The following SRRT variants were observed in gnomAD, a reference collection of about 807,000 sequenced individuals.
SRRT encodes the protein serrate, RNA effector molecule, also known as serrate RNA effector molecule homolog.
A neutral mutation model predicts 103.2 loss-of-function variants in SRRT; 32 were observed. The ratio of observed to expected loss-of-function variants is 0.31; its 90% CI spans 0.23 to 0.42. The LOEUF (loss-of-function observed/expected upper bound fraction) is 0.42. SRRT is among the 10% of genes least tolerant of loss of function. The pLI is 1.00. For synonymous variants in SRRT, 525 were observed against 449.0 expected (o/e 1.17, Z -2.14); for missense variants, 986 against 1,207.5 (o/e 0.82, Z 2.72).
At position 100,884,409 on chromosome 7, in the gene SRRT, AT is replaced by A; in HGVS notation, c.800del (p.Ile267ThrfsTer29). On this transcript the variant is annotated frameshift_variant, in exon 7 of 20. Transcript: ENST00000611405. LOFTEE classifies it high-confidence loss of function. ...AGGAGGCACGGAGAATGATCTTCGC[AT>A]CCTGGAGCAGGAGGAGGAGGAGGAG... Reference protein sequence around the residue: ...MEGGTENDLRILEQEEEEEQA... With the variant: ...MEGGTENDLRXLEQEEEEEQA... 3 of 1,613,798 alleles carry A rather than the reference AT, an allele frequency of 1.9e-6. No homozygotes were observed. The highest frequency in any genetic ancestry group is 2.5e-6 in the Non-Finnish European group (3 of 1,179,930).
rs1356116263 is a variant in SRRT at position 100,887,300 on chromosome 7, C to T, written c.1976-20C>T. ...TCTGGCTCCCTTGCCAACCTTCCTT[C>T]CTCTGTTCCCAAACCACAGTGCTGG... On this transcript the variant is annotated intron_variant, in intron 15 of 19. Transcript: ENST00000611405. This position sits in a 1 kb window ranked among gnomAD's most constrained non-coding sequence, Gnocchi z 4.1. The T allele has an allele frequency of 2.5e-6, 4 of 1,611,526 alleles. No homozygotes were observed. The highest frequency in any genetic ancestry group is 1.7e-5 in the Admixed American group (1 of 59,866).
At chr7:100,879,373 C>G (rs577410455) in intron 2 of SRRT, among the ~76,000 whole-genome samples, 3 of 152,192 alleles carry the variant, frequency 2.0e-5, no homozygotes, top group African/African-American at 7.2e-5. Flanking sequence ...TGCTAGCATT[C>G]ATTACAGATG....
chr7:100,883,971 G>C, intron 5 of SRRT, 99 bp from the exon 6 acceptor site: 1 of 1,345,492 alleles, frequency 7.4e-7, no homozygotes, highest in South Asian at 1.5e-5. Flanking sequence ...GGTTGTGAGA[G>C]GAAGGGGGAT....
Position 100,887,576 on chromosome 7 carries a change from C to G in SRRT, c.2169+63C>G. The G allele has an allele frequency of 6.3e-7, 1 of 1,590,634 alleles. No individual in the cohort carries two copies. Among genetic ancestry groups the G allele is most frequent in the Non-Finnish European group, 8.6e-7 (1 of 1,166,050 alleles). On this transcript the variant is annotated intron_variant, in intron 16 of 19. Coordinates refer to ENST00000611405, the MANE Select transcript of SRRT (RefSeq NM_015908.6). The surrounding 1 kb of genome is among the most constrained non-coding windows in gnomAD (Gnocchi z 4.1). ...GGAGGTGGGGTTGAGACAGGAAGCC[C>G]CCTGGGCAGGGGTGGGGGAACTGCT...
In SRRT at chr7:100,883,996, C is replaced by G. The variant is rs549657395; in HGVS notation, c.588-74C>G. 3.7e-5 allele frequency: 55 copies of G among 1,486,614 alleles called. No individual in the cohort carries two copies. The African/African-American group carries it at 7.8e-4, about 21-fold the overall frequency. The allele number at this position is 1,486,614 out of a possible 1,614,324, so 92.1% of individuals were successfully genotyped here. A position where few individuals can be genotyped will look rare whatever the true frequency, so the allele number is the denominator to read the frequency against. Reference sequence around the variant, plus strand: ...GGAAGGGGGATATGCCCTGTCTTTCCTGGGCCCCTTCCCACATCCTGGCCT... The same window carrying G: ...GGAAGGGGGATATGCCCTGTCTTTCGTGGGCCCCTTCCCACATCCTGGCCT... On this transcript the variant is annotated intron_variant, in intron 5 of 19. Coordinates refer to ENST00000611405, the MANE Select transcript of SRRT (RefSeq NM_015908.6).
At position 100,882,218 on chromosome 7, in the gene SRRT, C is replaced by T. The variant is rs761632201; in HGVS notation, c.564C>T (p.Phe188=). 1 of 1,614,146 alleles carries T rather than the reference C, an allele frequency of 6.2e-7. No homozygotes were observed. Among genetic ancestry groups the T allele is most frequent in the Non-Finnish European group, 8.5e-7 (1 of 1,179,982 alleles). ...DFRRQQMQDF[F]LAHKDEEWFR... is the part of the protein sequence containing the mutation. ...GGAGGCAACAGATGCAGGATTTCTT[C>T]CTGGCGCACAAAGATGAGGAGTGGT... The change falls in exon 5 of 20, where the codon TTC becomes TTT. Residue 188 remains phenylalanine (F), a synonymous_variant. Transcript: ENST00000611405. The surrounding 1 kb of genome is among the most constrained non-coding windows in gnomAD (Gnocchi z 4.2).
Position 100,888,075 on chromosome 7 carries a change from AC to A in SRRT, c.2363del (p.Pro788HisfsTer8). ...CCAGGTTTGACCCCAGGACTCCCCTACCCACACCAGACTCCCCAGGGCCTGA... is the reference window on the plus strand; with the variant it reads ...CCAGGTTTGACCCCAGGACTCCCCTACCACACCAGACTCCCCAGGGCCTGA... ...LPPGLTPGLP[Y>X]PHQTPQGLMP... On this transcript the variant is annotated frameshift_variant, in exon 18 of 20. Transcript: ENST00000611405. LOFTEE classifies it high-confidence loss of function. The A allele has an allele frequency of 6.3e-7, 1 of 1,589,978 alleles. No individual in the cohort carries two copies. Among genetic ancestry groups the A allele is most frequent in the Non-Finnish European group, 8.5e-7 (1 of 1,169,716 alleles).
rs373686541 is a variant in SRRT, at chr7:100,886,776, C to T, written c.1648-19C>T. On this transcript the variant is annotated intron_variant, in intron 13 of 19. Coordinates refer to ENST00000611405, the MANE Select transcript of SRRT (RefSeq NM_015908.6). ...CTGAAGGTCTTCTCTGCCTTACTTG[C>T]TTCTCTTCCTCCCATCAGAGCCTGC... The T allele has an allele frequency of 5.0e-6, 8 of 1,613,778 alleles. No individual in the cohort carries two copies. The highest frequency in any genetic ancestry group is 6.8e-6 in the Non-Finnish European group (8 of 1,179,850).
rs200305563 is a variant in SRRT at position 100,885,190 on chromosome 7, T to C, written c.1160-23T>C. 1.4e-3 allele frequency: 2,262 copies of C among 1,610,028 alleles called. 9 individuals are homozygous for C. Among genetic ancestry groups the C allele is most frequent in the Non-Finnish European group, 1.6e-3 (1,827 of 1,177,662 alleles). ...TCAGTAATAAAAATGCACCAACTCC[T>C]TCCTACCCCCCTTCCTGCCTAGAAG... On this transcript the variant is annotated intron_variant, in intron 9 of 19. Transcript: ENST00000611405. This position sits in a 1 kb window ranked among gnomAD's most constrained non-coding sequence, Gnocchi z 4.8.
Position 100,884,523 on chromosome 7 carries a change from A to C in SRRT, c.913A>C (p.Lys305Gln). 6.4e-7 allele frequency: 1 copy of C among 1,555,806 alleles called. No homozygotes were observed. Among genetic ancestry groups the C allele is most frequent in the Non-Finnish European group, 8.7e-7 (1 of 1,144,370 alleles). Residue 305 changes from lysine to glutamine, a missense_variant, in exon 7 of 20, where the codon AAG becomes CAG. Lys to Gln is a moderately conservative substitution (Grantham distance 53, BLOSUM62 1). Coordinates refer to ENST00000611405, the MANE Select transcript of SRRT (RefSeq NM_015908.6). ...GGACGGGGAGCGCAAAACCAACGACAAGGATGAGAAGAAGGAAGACGGCAA... is the reference window on the plus strand; with the variant it reads ...GGACGGGGAGCGCAAAACCAACGACCAGGATGAGAAGAAGGAAGACGGCAA... ...LGDGERKTND[K>Q]DEKKEDGKQA... is the part of the protein sequence containing the mutation.
chr7:100,882,283 C>T lies in SRRT; in HGVS notation c.587+42C>T. 6.3e-7 allele frequency: 1 copy of T among 1,594,044 alleles called. No individual in the cohort carries two copies. The highest frequency in any genetic ancestry group is 8.6e-7 in the Non-Finnish European group (1 of 1,167,670). On this transcript the variant is annotated intron_variant, in intron 5 of 19. Transcript: ENST00000611405. This position sits in a 1 kb window ranked among gnomAD's most constrained non-coding sequence, Gnocchi z 4.2. Reference sequence around the variant, plus strand: ...CCCTGGACCTCTGCCCTGGCATGTCCCCCTGGCCCCGCTGGTGGAGCCACA... The same window carrying T: ...CCCTGGACCTCTGCCCTGGCATGTCTCCCTGGCCCCGCTGGTGGAGCCACA...
Position 100,886,870 on chromosome 7 carries a change from G to C in SRRT, c.1723G>C (p.Glu575Gln). ...CGAGGAAGTAAGCGCCGAGGAGGAG[G>C]AGCTGCTGGGGAGCAGCGGGGGCGC... is the stretch of plus-strand genomic sequence containing the variant. ...LIEEVSAEEE[E>Q]LLGSSGGAPP... Residue 575 changes from glutamate to glutamine, a missense_variant, in exon 14 of 20, where the codon GAG becomes CAG. Physicochemically the swap from Glu to Gln is conservative, Grantham distance 29. Transcript: ENST00000611405. 6.2e-7 allele frequency: 1 copy of C among 1,614,124 alleles called. No homozygotes were observed. The highest frequency in any genetic ancestry group is 8.5e-7 in the Non-Finnish European group (1 of 1,180,026).
Position 100,887,005 on chromosome 7 carries a change from C to T in SRRT, c.1821+37C>T, listed in dbSNP as rs199610659. ...AGCGCGGGGCACGTGGGGGCTCGGG[C>T]GGTGAGGGCAGGAGCTGAACGCTCG... On this transcript the variant is annotated intron_variant, in intron 14 of 19. Coordinates refer to ENST00000611405, the MANE Select transcript of SRRT (RefSeq NM_015908.6). The surrounding 1 kb of genome is among the most constrained non-coding windows in gnomAD (Gnocchi z 4.1). The T allele has an allele frequency of 1.0e-4, 169 of 1,610,188 alleles. No homozygotes were observed. The highest frequency in any genetic ancestry group is 1.2e-4 in the Non-Finnish European group (138 of 1,177,118).
rs1373880220 is a variant in SRRT, at chr7:100,882,722, C to T, written c.587+481C>T. On this transcript the variant is annotated intron_variant, in intron 5 of 19. Coordinates refer to ENST00000611405, the MANE Select transcript of SRRT (RefSeq NM_015908.6). The surrounding 1 kb of genome is among the most constrained non-coding windows in gnomAD (Gnocchi z 4.2). The stretch of plus-strand genomic sequence containing the variant: ...AACCATCTTTTCCCCCCTTCCTGCT[C>T]CTCCTCCTCCTCATCCTCTTTCTGC... 6.5e-6 allele frequency: 1 copy of T among 153,722 alleles called. No homozygotes were observed. Among genetic ancestry groups the T allele is most frequent in the Non-Finnish European group, 1.5e-5 (1 of 68,950 alleles). The allele number at this position is 153,722 out of a possible 1,614,324, so 9.5% of individuals were successfully genotyped here.
rs373787919 is a variant in SRRT at position 100,884,245 on chromosome 7, C to G, written c.757+6C>G. ...TGTCAAGATGCTGGATGCAGGTGTG[C>G]GGATTTGGAGGGGTGGCAGGCATCT... On this transcript the variant is annotated splice_donor_region_variant and intron_variant, in intron 6 of 19. Coordinates refer to ENST00000611405, the MANE Select transcript of SRRT (RefSeq NM_015908.6). The G allele has an allele frequency of 3.1e-6, 5 of 1,613,754 alleles. No individual in the cohort carries two copies. The highest frequency in any genetic ancestry group is 1.7e-5 in the Admixed American group (1 of 59,964).
chr7:100,887,257 C>G lies in SRRT; in HGVS notation c.1975+57C>G. 6.2e-7 allele frequency: 1 copy of G among 1,611,270 alleles called. No individual in the cohort carries two copies. The highest frequency in any genetic ancestry group is 8.5e-7 in the Non-Finnish European group (1 of 1,177,810). On this transcript the variant is annotated intron_variant, in intron 15 of 19. Transcript: ENST00000611405. This position sits in a 1 kb window ranked among gnomAD's most constrained non-coding sequence, Gnocchi z 4.1. ...GCCCCTGGCCTTGGTCCTCCAGCCC[C>G]TTGCCACCATCCTTCCTTCTGGCTC...
Position 100,882,448 on chromosome 7 carries a change from C to T in SRRT, c.587+207C>T, listed in dbSNP as rs1418266025. On this transcript the variant is annotated intron_variant, in intron 5 of 19. Transcript: ENST00000611405. This position sits in a 1 kb window ranked among gnomAD's most constrained non-coding sequence, Gnocchi z 4.2. ...CCGCCCCGCCCTGTCTCCTGTCCTG[C>T]TGTCCTCAGAGAGTGGGACACCTCC... 3.6e-6 allele frequency: 2 copies of T among 549,252 alleles called. No homozygotes were observed. Among genetic ancestry groups the T allele is most frequent in the Admixed American group, 3.4e-5 (1 of 29,508 alleles). 34.0% of individuals were successfully genotyped at this position (549,252 alleles called of 1,614,324 possible).
chr7:100,884,286 G>A (rs560845666), intron 6 of SRRT, 47 bp downstream of exon 6: 2 of 1,613,304 alleles, frequency 1.2e-6, no homozygotes, highest in African/African-American at 1.3e-5. Flanking sequence ...CCATGGGGGT[G>A]GGGGTGTCTG....
At chr7:100,877,240 G>A (rs1312271076) in intron 2 of SRRT, among the ~76,000 whole-genome samples, 3 of 151,260 alleles carry the variant, frequency 2.0e-5, no homozygotes, top group African/African-American at 7.3e-5. Flanking sequence ...GGCCAACATT[G>A]TGAAACCCTG....
Sources: gnomAD v4.1 joint callset for allele counts (sites outside exome capture counted in the v4.1 genomes callset) on GRCh38, gnomAD v4.1.1 for gene constraint, Gnocchi (gnomAD v3.1) non-coding constraint, MANE v1.5 for transcripts, NCBI Gene and HGNC (gene_info 2026-07-23, HGNC 2026-07-21) for gene names.